The following DMP1 variants were observed in gnomAD, a reference collection of about 807,000 sequenced individuals.
DMP1 encodes the protein dentin matrix acidic phosphoprotein 1, also known as dentin matrix protein 1.
DMP1 carries 20 observed loss-of-function variants against 14.6 expected under a neutral mutation model. That is an observed-to-expected ratio of 1.37 (90% CI 0.96 to 1.99). DMP1 has a LOEUF of 1.99. Among genes scored for constraint, DMP1 ranks in the 30% most tolerant of loss-of-function variants. DMP1 has a pLI of 0.00. For synonymous variants in DMP1, 197 were observed against 215.3 expected (o/e 0.91, Z 0.75); for missense variants, 567 against 620.5 (o/e 0.91, Z 0.92).
In DMP1 at chr4:87,663,235, T is replaced by C. The variant is rs1560495058; in HGVS notation, c.1457T>C (p.Ile486Thr). 2 of 1,614,094 alleles carry C rather than the reference T, an allele frequency of 1.2e-6. No individual in the cohort carries two copies. The change falls in exon 6 of 6, where the codon ATA (isoleucine) becomes ACA (threonine). Residue 486 changes from isoleucine to threonine, a missense_variant. Physicochemically the swap from Ile to Thr is moderately conservative, Grantham distance 89. Coordinates refer to ENST00000339673, the MANE Select transcript of DMP1 (RefSeq NM_004407.4). The part of the protein sequence containing the change: ...EEDGQLKNIE[I>T]ESRKLTVDAY... ...GATGGCCAGTTGAAAAACATTGAGA[T>C]AGAGAGCCGGAAATTAACAGTTGAT...
chr4:87,661,908 C>G (rs1728898010), intron 5 of DMP1, 54 bp from the exon 6 acceptor site: 4 of 1,613,508 alleles, frequency 2.5e-6, no homozygotes, highest in African/African-American at 1.3e-5. Context: ...CTAGATAACT[C>G]CTTCTCTATC....
intron 1 of DMP1, among the ~76,000 whole-genome samples, chr4:87,653,388 TATATATATA>T (rs1728576063): frequency 8.6e-5 from 1 of 11,682 alleles, no homozygotes; most frequent in African/African-American, 4.7e-4. Context: ...TATCGAGTGA[TATATATATA>T]TATATATATA....
Position 87,662,898 on chromosome 4 carries a change from T to C in DMP1, c.1120T>C (p.Tyr374His). 6.2e-7 allele frequency: 1 copy of C among 1,614,038 alleles called. No individual in the cohort carries two copies. The highest frequency in any genetic ancestry group is 8.5e-7 in the Non-Finnish European group (1 of 1,180,006). The change falls in exon 6 of 6, where the codon TAT (tyrosine) becomes CAT (histidine). Residue 374 changes from tyrosine (Y) to histidine (H), a missense_variant. By Grantham distance (83) the Tyr-to-His change is moderately conservative. Coordinates refer to ENST00000339673, the MANE Select transcript of DMP1 (RefSeq NM_004407.4). ...AGATAACCCCGACCCCACAACTAGT[T>C]ATGTAGAAGACCAGGAAGACAGTGA... ...RGDNPDPTTS[Y>H]VEDQEDSDSS... is the part of the protein sequence containing the mutation.
intron 2 of DMP1, 116 bp from the exon 3 acceptor site, chr4:87,656,916 A>T: frequency 1.4e-6 from 1 of 738,950 alleles, no homozygotes; most frequent in Non-Finnish European, 2.5e-6. Context: ...AAGGCCTCCC[A>T]GTGATTCTGA....
At position 87,651,767 on chromosome 4, in the gene DMP1, T is replaced by A. The variant is rs533994629; in HGVS notation, c.-22+1383T>A. ...CTAATGAATGAATGTATTGTTCAGT[T>A]GTGTTCTTGAAGATAACAATACTAA... On this transcript the variant is annotated intron_variant, in intron 1 of 5. Transcript: ENST00000339673. 1.3e-3 allele frequency among the ~76,000 whole-genome samples: 193 copies of A among 152,264 alleles called. 1 individual carries two copies. The highest frequency in any genetic ancestry group is 2.0e-3 in the African/African-American group (82 of 41,584).
intron 5 of DMP1, among the ~76,000 whole-genome samples, chr4:87,661,257 G>T (rs1174794301): frequency 5.0e-5 from 6 of 120,562 alleles, no homozygotes; most frequent in African/African-American, 1.6e-4. Flanking sequence ...GAGTCTCGCT[G>T]TCGCCCAGGC....
intron 5 of DMP1, chr4:87,660,887 T>A (rs2110015042): frequency 6.6e-6 from 1 of 152,364 alleles, no homozygotes; most frequent in Admixed American, 6.5e-5. Context: ...CCTCTGGTCC[T>A]AGTACATTTT....
In DMP1 at chr4:87,662,628, G is replaced by A; in HGVS notation, c.850G>A (p.Asp284Asn). Residue 284 changes from aspartate (D) to asparagine (N), a missense_variant, in exon 6 of 6, where the codon GAC becomes AAC. By Grantham distance (23) the Asp-to-Asn change is conservative (BLOSUM62 1). Coordinates refer to ENST00000339673, the MANE Select transcript of DMP1 (RefSeq NM_004407.4). ...GGAAGATGACAGAAGCGAGCTTGAT[G>A]ACAACAACACAATGGAAGAAGTCAA... is the stretch of plus-strand genomic sequence containing the variant. ...SEEDDRSELDDNNTMEEVKSD... is the reference protein window; with the variant it reads ...SEEDDRSELDNNNTMEEVKSD... 6.2e-7 allele frequency: 1 copy of A among 1,614,130 alleles called. No homozygotes were observed. The highest frequency in any genetic ancestry group is 8.5e-7 in the Non-Finnish European group (1 of 1,180,028).
At chr4:87,659,620 GA>G in intron 5 of DMP1, 142 bp downstream of exon 5, 1 of 838,906 alleles carries the variant, frequency 1.2e-6, no homozygotes, top group Non-Finnish European at 2.0e-6. Flanking sequence ...TATAAAGTAA[GA>G]AGAGAAAAAT....
rs2615498 is a variant in DMP1 at position 87,662,996 on chromosome 4, C to T, written c.1218C>T (p.Ser406=). 0.2 allele frequency: 318,921 copies of T among 1,613,888 alleles called. 33,045 individuals carry two copies. The highest frequency in any genetic ancestry group is 0.28 in the South Asian group (25,279 of 91,080). The change falls in exon 6 of 6, where the codon AGC becomes AGT. Residue 406 remains serine (S), a synonymous_variant. Coordinates refer to ENST00000339673, the MANE Select transcript of DMP1 (RefSeq NM_004407.4). ...AATCCAGAGAGGAGCAAGCAGACAG[C>T]GAATCCAGTGAGAGCCTCAACTTCT... ...KSESREEQAD[S]ESSESLNFSE...
intron 1 of DMP1, among the ~76,000 whole-genome samples, chr4:87,652,449 A>T (rs1172254732): frequency 6.6e-6 from 1 of 152,168 alleles, no homozygotes; most frequent in East Asian, 1.9e-4. Flanking sequence ...TAATGCTTAC[A>T]GTTGGACTAT....
intron 1 of DMP1, among the ~76,000 whole-genome samples, chr4:87,655,538 T>C (rs771004932): frequency 1.6e-4 from 13 of 79,222 alleles, no homozygotes; most frequent in Non-Finnish European, 3.2e-4. Context: ...TCACAGTAGA[T>C]ATTAAGAGCT....
chr4:87,655,850 CTT>C (rs981052094), intron 1 of DMP1, among the ~76,000 whole-genome samples: 14 of 152,266 alleles, frequency 9.2e-5, no homozygotes, highest in South Asian at 2.1e-4. Context: ...CTATATTCCT[CTT>C]TCTTTACTTT....
At chr4:87,650,539 G>T (rs955245145) in intron 1 of DMP1, among the ~76,000 whole-genome samples, 155 bp downstream of exon 1, 1 of 152,162 alleles carries the variant, frequency 6.6e-6, no homozygotes, top group Non-Finnish European at 1.5e-5. Context: ...TGTGCCTGTT[G>T]TTTATGCCAC....
At chr4:87,661,896 C>T (rs1036059402) in intron 5 of DMP1, 66 bp from the exon 6 acceptor site, 1 of 1,613,380 alleles carries the variant, frequency 6.2e-7, no homozygotes, top group South Asian at 1.1e-5. Context: ...ACTAGAAAGG[C>T]TCTAGATAAC....
Position 87,662,868 on chromosome 4 carries a change from A to AG in DMP1, c.1094dup (p.Asp366ArgfsTer2), listed in dbSNP as rs1395257046. ...TCAGGAAGAGGTGGTGAGTGAGTCCAGGGGAGATAACCCCGACCCCACAAC... is the reference window on the plus strand; with the variant it reads ...TCAGGAAGAGGTGGTGAGTGAGTCCAGGGGGAGATAACCCCGACCCCACAAC... On this transcript the variant is annotated frameshift_variant, in exon 6 of 6. Transcript: ENST00000339673. LOFTEE classifies it low-confidence loss of function (END_TRUNC). The AG allele has an allele frequency of 6.8e-6, 11 of 1,614,044 alleles. No homozygotes were observed. In the Admixed American group the frequency reaches 1.8e-4, roughly 27 times the overall value.
chr4:87,656,791 A>G (rs773787734), intron 2 of DMP1, among the ~76,000 whole-genome samples: 4 of 152,174 alleles, frequency 2.6e-5, no homozygotes, highest in Non-Finnish European at 5.9e-5. Context: ...TCATCCTGGA[A>G]CCACCAGCAT....
chr4:87,655,160 G>A (rs549827552), intron 1 of DMP1, among the ~76,000 whole-genome samples: 7 of 152,194 alleles, frequency 4.6e-5, no homozygotes, highest in East Asian at 1.9e-4. Flanking sequence ...GAAACAAATC[G>A]ACAAACGTGA....
intron 1 of DMP1, among the ~76,000 whole-genome samples, chr4:87,655,494 T>C (rs1221167758): frequency 6.6e-6 from 1 of 152,144 alleles, no homozygotes; most frequent in African/African-American, 2.4e-5. Flanking sequence ...AAAAATAATT[T>C]AGCATAATTA....
Sources: gnomAD v4.1 joint callset for allele counts (sites outside exome capture counted in the v4.1 genomes callset) on GRCh38, gnomAD v4.1.1 for gene constraint, MANE v1.5 for transcripts, NCBI Gene and HGNC (gene_info 2026-07-23, HGNC 2026-07-21) for gene names.